The following CRIPTO variants were observed in gnomAD, a reference collection of about 807,000 sequenced individuals.
The protein encoded by CRIPTO is protein Cripto.
the CRIPTO span, chr3:46,579,365 C>T: frequency 6.2e-7 from 1 of 1,613,978 alleles, no homozygotes; most frequent in Admixed American, 1.7e-5. Context: ...GGATACAGCA[C>T]AGTAAGAACT....
At chr3:46,576,181 T>C in the CRIPTO span, among the ~76,000 whole-genome samples, 1 of 152,114 alleles carries the variant, frequency 6.6e-6, no homozygotes, top group African/African-American at 2.4e-5. Context: ...CCCAAGATCA[T>C]GTGTAAGGCC....
the CRIPTO span, chr3:46,577,983 A>G: frequency 1.9e-6 from 3 of 1,614,262 alleles, no homozygotes; most frequent in Non-Finnish European, 2.5e-6. Context: ...GACTGCAGGA[A>G]GATGGCCCGC....
At chr3:46,581,506 G>GT in the CRIPTO span, 4 of 561,006 alleles carry the variant, frequency 7.1e-6, no homozygotes, top group South Asian at 4.6e-5. Flanking sequence ...TAAGTCCAGT[G>GT]TTTCTTTTTT....
At chr3:46,576,547 G>A in the CRIPTO span, among the ~76,000 whole-genome samples, 1 of 146,460 alleles carries the variant, frequency 6.8e-6, no homozygotes, top group African/African-American at 2.5e-5. Context: ...CCCAGCACCT[G>A]TGGATCCATG....
chr3:46,577,005 C>G, the CRIPTO span, among the ~76,000 whole-genome samples: 30 of 152,182 alleles, frequency 2.0e-4, no homozygotes, highest in Admixed American at 7.8e-4. Flanking sequence ...AGATAAATTC[C>G]CGTGATTGGG....
the CRIPTO span, chr3:46,580,051 C>T: frequency 3.1e-6 from 5 of 1,614,216 alleles, no homozygotes; most frequent in Admixed American, 3.3e-5. Flanking sequence ...GGCATTTCTA[C>T]CCGGCTGTGG....
chr3:46,581,663 C>T, the CRIPTO span: 1 of 513,354 alleles, frequency 1.9e-6, no homozygotes, highest in Non-Finnish European at 3.4e-6. Flanking sequence ...GCATGTGTCA[C>T]CATGCCCAGC....
chr3:46,578,312 A>G, the CRIPTO span, among the ~76,000 whole-genome samples: 1 of 152,086 alleles, frequency 6.6e-6, no homozygotes, highest in South Asian at 2.1e-4. Flanking sequence ...AATCTTCCGA[A>G]AAGATTAAAG....
At chr3:46,580,612 G>C in the CRIPTO span, among the ~76,000 whole-genome samples, 1 of 152,062 alleles carries the variant, frequency 6.6e-6, no homozygotes. Context: ...ACTGATTTGA[G>C]GAATACAATG....
the CRIPTO span, chr3:46,579,356 G>A: frequency 4.3e-6 from 7 of 1,614,016 alleles, no homozygotes; most frequent in South Asian, 5.5e-5. Context: ...CGCCCATGGG[G>A]ATACAGCACA....
At chr3:46,576,473 T>G in the CRIPTO span, among the ~76,000 whole-genome samples, 1 of 96,166 alleles carries the variant, frequency 1.0e-5, no homozygotes. Context: ...AGAGGGAGAC[T>G]CTGTCGCAAA....
the CRIPTO span, chr3:46,579,940 T>C: frequency 6.2e-7 from 1 of 1,614,192 alleles, no homozygotes; most frequent in South Asian, 1.1e-5. Flanking sequence ...GCCTTACCTG[T>C]TCATTCTCAG....
chr3:46,579,188 T>C, the CRIPTO span: 2 of 1,614,198 alleles, frequency 1.2e-6, no homozygotes, highest in South Asian at 2.2e-5. Context: ...TCAATTTTTA[T>C]GTGGCCTAAA....
chr3:46,578,037 G>T, the CRIPTO span: 152 of 1,604,210 alleles, frequency 9.5e-5, no homozygotes, highest in Non-Finnish European at 1.3e-4. Flanking sequence ...AACTTTTTTT[G>T]ATTGCTAGAG....
the CRIPTO span, among the ~76,000 whole-genome samples, chr3:46,576,283 C>G: frequency 1.3e-5 from 2 of 152,042 alleles, no homozygotes; most frequent in Non-Finnish European, 2.9e-5. Flanking sequence ...GACTGACCAA[C>G]ATGGTGAAAC....
chr3:46,577,048 G>A, the CRIPTO span, among the ~76,000 whole-genome samples: 1 of 152,284 alleles, frequency 6.6e-6, no homozygotes, highest in African/African-American at 2.4e-5. Flanking sequence ...GGACTGCCGT[G>A]GTTCTAGAAC....
the CRIPTO span, chr3:46,580,983 G>C: frequency 4.3e-6 from 3 of 700,564 alleles, no homozygotes; most frequent in Non-Finnish European, 7.8e-6. Flanking sequence ...ATTCCTGCAA[G>C]TGAAGGCATC....
At chr3:46,575,410 A>C in the CRIPTO span, among the ~76,000 whole-genome samples, 1 of 148,406 alleles carries the variant, frequency 6.7e-6, no homozygotes, top group Admixed American at 6.7e-5. Context: ...CCTTCTCCCC[A>C]CCCCCCATCC....
At chr3:46,578,480 A>G in the CRIPTO span, among the ~76,000 whole-genome samples, 5,359 of 152,186 alleles carry the variant, frequency 0.035, 213 homozygotes, top group East Asian at 0.16. Flanking sequence ...TTTGGGAGGC[A>G]GAGGCGGGTG....
Sources: allele counts gnomAD v4.1 joint callset (sites outside exome capture counted in the v4.1 genomes callset), GRCh38; gene constraint gnomAD v4.1.1; transcripts MANE v1.5; gene names NCBI Gene and HGNC (gene_info 2026-07-23, HGNC 2026-07-21).